Variants in PCDH15 observed in about 807,000 individuals in gnomAD.
PCDH15 encodes protocadherin-15.
Under a neutral mutation model 178.5 loss-of-function variants are expected in PCDH15, and 129 were observed. The ratio of observed to expected loss-of-function variants is 0.72; its 90% CI spans 0.63 to 0.84. The LOEUF is 0.84. PCDH15 is among the 40% of genes least tolerant of loss of function. The pLI is 0.00. For synonymous variants in PCDH15, 800 were observed against 732.0 expected, an observed-to-expected ratio of 1.09 and a Z score of -1.50; for missense variants, 2,230 against 2,099.9, an observed-to-expected ratio of 1.06 and a Z score of -1.21.
chr10:55,379,525 T>C (rs775067405), intron 2 of PCDH15, among the ~76,000 whole-genome samples: 9 of 152,196 alleles, frequency 5.9e-5, no homozygotes, highest in Admixed American at 2.0e-4. Flanking sequence ...AATATCAATA[T>C]ATCTATTCCC....
intron 13 of PCDH15, among the ~76,000 whole-genome samples, chr10:54,181,562 C>A (rs1011346537): frequency 6.6e-6 from 1 of 152,068 alleles, no homozygotes; most frequent in East Asian, 1.9e-4. Flanking sequence ...CCATAGTAGT[C>A]CCCAGTGTCT....
intron 1 of PCDH15, among the ~76,000 whole-genome samples, chr10:54,768,740 AG>A (rs1948776443): frequency 6.6e-6 from 1 of 152,170 alleles, no homozygotes; most frequent in African/African-American, 2.4e-5. Context: ...TATCACATAT[AG>A]CATGAAACCC....
At chr10:55,221,105 T>A (rs539033992) in intron 1 of PCDH15, among the ~76,000 whole-genome samples, 1 of 152,040 alleles carries the variant, frequency 6.6e-6, no homozygotes, top group African/African-American at 2.4e-5. Flanking sequence ...ACAACATGAA[T>A]GGATCTTAAA....
chr10:54,643,019 C>T (rs1024020765), intron 2 of PCDH15, among the ~76,000 whole-genome samples: 3 of 152,110 alleles, frequency 2.0e-5, no homozygotes, highest in Non-Finnish European at 2.9e-5. Context: ...GCCTCCTGGG[C>T]TCAAGCGATT....
intron 2 of PCDH15, among the ~76,000 whole-genome samples, chr10:55,546,293 G>A (rs938033955): frequency 1.5e-4 from 23 of 152,086 alleles, no homozygotes; most frequent in Non-Finnish European, 1.5e-4. Flanking sequence ...TTCCTGATAT[G>A]AGTTAGTGAA....
intron 2 of PCDH15, among the ~76,000 whole-genome samples, chr10:54,625,032 C>T (rs562144619): frequency 3.9e-5 from 6 of 152,108 alleles, no homozygotes; most frequent in South Asian, 2.1e-4. Flanking sequence ...CCACTGGGTC[C>T]GTAGAAAAAT....
intron 2 of PCDH15, among the ~76,000 whole-genome samples, chr10:55,465,172 G>C (rs1247993405): frequency 6.6e-6 from 1 of 152,166 alleles, no homozygotes; most frequent in African/African-American, 2.4e-5. Flanking sequence ...ACAGGATCAT[G>C]AGGGCTGGCA....
At chr10:54,250,842 C>T (rs902328354) in intron 8 of PCDH15, among the ~76,000 whole-genome samples, 10 of 152,164 alleles carry the variant, frequency 6.6e-5, no homozygotes, top group African/African-American at 2.4e-4. Context: ...CCCAATCTCT[C>T]TCTCACACAC....
intron 18 of PCDH15, among the ~76,000 whole-genome samples, chr10:54,038,412 G>A (rs2093467330): frequency 6.6e-6 from 1 of 151,814 alleles, no homozygotes; most frequent in Admixed American, 6.6e-5. Flanking sequence ...ATTTTTGGAG[G>A]GCAAAGGACA....
chr10:55,359,739 TATATATATAC>T (rs1297201982), intron 2 of PCDH15, among the ~76,000 whole-genome samples: 6 of 117,314 alleles, frequency 5.1e-5, no homozygotes, highest in African/African-American at 1.6e-4. Context: ...TATATATATA[TATATATATAC>T]ACACACACAC....
At chr10:55,403,312 T>G (rs759446236) in intron 2 of PCDH15, among the ~76,000 whole-genome samples, 2 of 151,722 alleles carry the variant, frequency 1.3e-5, no homozygotes, top group Non-Finnish European at 2.9e-5. Context: ...TTTTCTCCCA[T>G]GTTACATGTG....
chr10:54,454,971 G>C (rs748987230), intron 3 of PCDH15, among the ~76,000 whole-genome samples: 1 of 152,016 alleles, frequency 6.6e-6, no homozygotes, highest in Non-Finnish European at 1.5e-5. Flanking sequence ...TTAATCATGG[G>C]GGCGATTACT....
chr10:54,468,568 T>C, intron 3 of PCDH15, among the ~76,000 whole-genome samples: 1 of 152,208 alleles, frequency 6.6e-6, no homozygotes, highest in South Asian at 2.1e-4. Context: ...TCCTACAATA[T>C]GGTCTATTCT....
intron 3 of PCDH15, among the ~76,000 whole-genome samples, chr10:54,486,758 A>G (rs891335955): frequency 1.3e-5 from 2 of 151,986 alleles, no homozygotes; most frequent in African/African-American, 2.4e-5. Context: ...AACTACTTAA[A>G]TGTATTTATA....
intron 2 of PCDH15, among the ~76,000 whole-genome samples, chr10:54,573,620 C>T (rs1399802822): frequency 6.6e-6 from 1 of 152,130 alleles, no homozygotes; most frequent in Non-Finnish European, 1.5e-5. Flanking sequence ...ATGTAGAATA[C>T]ACTGCGAACA....
intron 8 of PCDH15, among the ~76,000 whole-genome samples, chr10:54,259,122 A>G (rs953220462): frequency 1.3e-5 from 2 of 152,216 alleles, no homozygotes; most frequent in South Asian, 4.1e-4. Context: ...AATCTTGATC[A>G]TAATAGAATG....
chr10:54,351,089 C>G (rs1367971368), intron 5 of PCDH15, among the ~76,000 whole-genome samples: 5 of 147,958 alleles, frequency 3.4e-5, no homozygotes, highest in African/African-American at 1.2e-4. Context: ...GGGGCGAGAA[C>G]AAGACTCTGT....
chr10:54,062,252 A>AAAAAAAAAAAAAAAAAAAAAAAG (rs2094040900), intron 18 of PCDH15, among the ~76,000 whole-genome samples: 1 of 72,222 alleles, frequency 1.4e-5, no homozygotes, highest in African/African-American at 4.8e-5. Flanking sequence ...AAAAAAAAAA[A>AAAAAAAAAAAAAAAAAAAAAAAG]CAAAAAACAA....
At chr10:54,738,634 AAC>A (rs1371311033) in intron 1 of PCDH15, among the ~76,000 whole-genome samples, 2 of 152,076 alleles carry the variant, frequency 1.3e-5, no homozygotes, top group African/African-American at 4.8e-5. Flanking sequence ...ATCTCTTATA[AAC>A]ACAGATGCAA....
Sources: gnomAD v4.1 joint callset for allele counts (sites outside exome capture counted in the v4.1 genomes callset) on GRCh38, gnomAD v4.1.1 for gene constraint, MANE v1.5 for transcripts, NCBI Gene and HGNC (gene_info 2026-07-23, HGNC 2026-07-21) for gene names.